Variants in KAZN observed in about 807,000 individuals in gnomAD.
KAZN encodes kazrin, periplakin interacting protein, also known as kazrin.
In KAZN, 40 loss-of-function variants were observed where a neutral mutation model predicts 87.4. The observed-to-expected ratio is 0.46, with a 90% CI of 0.36 to 0.60. KAZN has a LOEUF of 0.60. KAZN is among the 20% of genes least tolerant of loss of function. KAZN has a pLI of 0.00. For synonymous variants in KAZN, 466 were observed against 458.3 expected (o/e 1.02, Z -0.22); for missense variants, 898 against 1,073.9 (o/e 0.84, Z 2.29).
chr1:14,212,422 C>T (rs1646871963), intron 2 of KAZN, among the ~76,000 whole-genome samples: 1 of 151,120 alleles, frequency 6.6e-6, no homozygotes, highest in South Asian at 2.1e-4. Context: ...CAAAAGAAAG[C>T]CTTTCAAAAA....
intron 1 of KAZN, among the ~76,000 whole-genome samples, chr1:14,932,563 G>A (rs948638278): frequency 6.6e-6 from 1 of 152,138 alleles, no homozygotes; most frequent in Non-Finnish European, 1.5e-5. Context: ...GCCCCATGTG[G>A]CTAGAGGCTC....
chr1:14,705,878 C>T (rs1356397540), intron 1 of KAZN, among the ~76,000 whole-genome samples: 2 of 152,234 alleles, frequency 1.3e-5, no homozygotes. Flanking sequence ...TCTCCAACTC[C>T]CGGGGCCACA....
chr1:14,541,121 G>A (rs189044387), intron 2 of KAZN, among the ~76,000 whole-genome samples: 4 of 152,232 alleles, frequency 2.6e-5, no homozygotes, highest in Admixed American at 1.3e-4. Flanking sequence ...TTCAAGTGTA[G>A]CTCTCCCAAG....
chr1:15,075,783 G>A (rs963442387), intron 8 of KAZN, among the ~76,000 whole-genome samples: 5 of 152,138 alleles, frequency 3.3e-5, no homozygotes, highest in East Asian at 1.9e-4. Context: ...TGGAAATGCC[G>A]GTCCCAGGGT....
At chr1:13,981,095 A>ATATATATATATATG (rs1638660976) in intron 1 of KAZN, among the ~76,000 whole-genome samples, 2 of 104,244 alleles carry the variant, frequency 1.9e-5, no homozygotes, top group South Asian at 6.1e-4. Context: ...CTCTTTATAT[A>ATATATATATATATG]TATATATATA....
At chr1:14,810,109 C>T (rs866652284) in intron 1 of KAZN, among the ~76,000 whole-genome samples, 18 of 152,122 alleles carry the variant, frequency 1.2e-4, no homozygotes, top group Non-Finnish European at 2.2e-4. Flanking sequence ...TGTCCCTAGA[C>T]ATTAATTATC....
At position 14,044,277 on chromosome 1, in the gene KAZN, A is replaced by G. The variant is rs143700830; in HGVS notation, c.92-136158A>G. On this transcript the variant is annotated intron_variant, in intron 1 of 16. Transcript: ENST00000636203. The stretch of plus-strand genomic sequence containing the variant: ...ATCACCTAGTTCAGTGGCTTTTAGA[A>G]TCATTTTCTAAAAAAAGAAAAAGTC... 4.2e-4 allele frequency among the ~76,000 whole-genome samples: 64 copies of G among 152,220 alleles called. No individual in the cohort carries two copies. In the East Asian group the frequency reaches 9.3e-3, roughly 22 times the overall value.
intron 1 of KAZN, among the ~76,000 whole-genome samples, chr1:14,876,730 G>A (rs1352047675): frequency 2.6e-5 from 4 of 152,146 alleles, no homozygotes; most frequent in South Asian, 2.1e-4. Context: ...AGTAATCTAC[G>A]TAAAACACTT....
At chr1:14,328,848 T>C (rs923285157) in intron 2 of KAZN, among the ~76,000 whole-genome samples, 1 of 148,484 alleles carries the variant, frequency 6.7e-6, no homozygotes, top group Non-Finnish European at 1.5e-5. Context: ...TGACTGTACC[T>C]CCTTAGATAG....
chr1:14,010,626 G>A (rs1640251552), intron 1 of KAZN, among the ~76,000 whole-genome samples: 1 of 152,184 alleles, frequency 6.6e-6, no homozygotes, highest in African/African-American at 2.4e-5. Flanking sequence ...TTTATGAGCA[G>A]GGCTGAGACT....
intron 1 of KAZN, among the ~76,000 whole-genome samples, chr1:14,122,199 T>C (rs1169542149): frequency 1.3e-5 from 2 of 152,170 alleles, no homozygotes; most frequent in African/African-American, 2.4e-5. Context: ...GGTCAGATTC[T>C]GAATATGTTT....
chr1:13,899,644 C>CTTT (rs35127542), intron 1 of KAZN, among the ~76,000 whole-genome samples: 3 of 136,958 alleles, frequency 2.2e-5, no homozygotes, highest in African/African-American at 2.7e-5. Flanking sequence ...CTTGGTTGTC[C>CTTT]TTTTTTTTTT....
rs895790738 is a variant in KAZN at position 14,564,750 on chromosome 1, T to C, written c.250-34233T>C. Among the ~76,000 whole-genome samples, 56 of 151,990 alleles carry C rather than the reference T, an allele frequency of 3.7e-4. 1 individual carries two copies. Among genetic ancestry groups the C allele is most frequent in the African/African-American group, 1.3e-3 (54 of 41,438 alleles). On this transcript the variant is annotated intron_variant, in intron 2 of 16. Coordinates refer to the KAZN transcript ENST00000636203. ...ATTGCTTGAACCTGGGCAGCAGAGA[T>C]TGCAGTGAGCCGAGATCATACCACT...
intron 2 of KAZN, among the ~76,000 whole-genome samples, chr1:14,400,910 T>C (rs565207828): frequency 2.0e-4 from 31 of 152,350 alleles, no homozygotes; most frequent in African/African-American, 7.5e-4. Flanking sequence ...TGGGTGTGTT[T>C]GAAATGTGAT....
At chr1:14,863,177 G>C (rs772487487) in intron 1 of KAZN, among the ~76,000 whole-genome samples, 4 of 152,202 alleles carry the variant, frequency 2.6e-5, no homozygotes, top group Non-Finnish European at 5.9e-5. Context: ...CTGGAGGGCT[G>C]TGTGCACTGC....
intron 3 of KAZN, among the ~76,000 whole-genome samples, chr1:15,035,655 C>T (rs1349383816): frequency 6.6e-6 from 1 of 152,182 alleles, no homozygotes; most frequent in African/African-American, 2.4e-5. Flanking sequence ...CGAGACCAGC[C>T]TGGCCAAAAG....
chr1:14,681,772 C>A (rs1318258320), intron 1 of KAZN, among the ~76,000 whole-genome samples: 26 of 142,496 alleles, frequency 1.8e-4, no homozygotes, highest in African/African-American at 6.8e-4. Context: ...CGCCTCCCGC[C>A]TCCCGGGAGG....
intron 2 of KAZN, among the ~76,000 whole-genome samples, chr1:14,309,217 T>TA (rs1557630865): frequency 2.6e-5 from 4 of 152,038 alleles, no homozygotes; most frequent in Non-Finnish European, 2.9e-5. Context: ...GCAACCCTTT[T>TA]AAAAAAAATT....
chr1:15,071,076 G>C (rs542775426), intron 8 of KAZN, among the ~76,000 whole-genome samples: 1 of 152,156 alleles, frequency 6.6e-6, no homozygotes, highest in East Asian at 1.9e-4. Context: ...GAGTATATTC[G>C]TAATTCTGCA....
Sources: allele counts gnomAD v4.1 joint callset (sites outside exome capture counted in the v4.1 genomes callset), GRCh38; gene constraint gnomAD v4.1.1; transcripts MANE v1.5; gene names NCBI Gene and HGNC (gene_info 2026-07-23, HGNC 2026-07-21).